Variants in LSAMP observed in about 807,000 individuals in gnomAD.
LSAMP encodes limbic system-associated membrane protein.
A neutral mutation model predicts 38.6 loss-of-function variants in LSAMP; 7 were observed. The observed-to-expected ratio is 0.18, with a 90% CI of 0.10 to 0.34. The LOEUF (loss-of-function observed/expected upper bound fraction) is 0.34, where lower values mean the gene tolerates loss of function less well. LSAMP is among the 10% of genes least tolerant of loss of function. The pLI, the probability that LSAMP is intolerant of heterozygous loss-of-function variation, is 1.00. For synonymous variants in LSAMP, 154 were observed against 166.8 expected (o/e 0.92, Z 0.59); for missense variants, 313 against 420.0 (o/e 0.75, Z 2.23).
rs1279700144 is a variant in LSAMP at position 115,810,196 on chromosome 3, A to G, written c.*121T>C. On this transcript the variant is annotated 3_prime_UTR_variant, in exon 7 of 7. Transcript: ENST00000490035. The stretch of plus-strand genomic sequence containing the variant: ...TCCCCCTTCATGTATAAACACACAA[A>G]GTTGTGAAATAAACGGTCTCCCCCA... The G allele has an allele frequency of 4.6e-6, 3 of 646,612 alleles. No individual in the cohort carries two copies. The highest frequency in any genetic ancestry group is 8.0e-6 in the Non-Finnish European group (3 of 376,844). The allele number at this position is 646,612 out of a possible 1,614,324, so 40.1% of individuals were successfully genotyped here.
intron 2 of LSAMP, among the ~76,000 whole-genome samples, chr3:116,064,884 T>C (rs967495302): frequency 6.6e-6 from 1 of 152,220 alleles, no homozygotes; most frequent in Non-Finnish European, 1.5e-5. Flanking sequence ...TTAGAACCTA[T>C]GGTCTTAAGC....
intron 1 of LSAMP, among the ~76,000 whole-genome samples, chr3:116,255,476 GC>G (rs894234723): frequency 3.3e-5 from 5 of 151,664 alleles, no homozygotes; most frequent in Non-Finnish European, 7.4e-5. Flanking sequence ...TTTTTCAACA[GC>G]CATTTTGAAA....
At chr3:116,149,630 G>A (rs546162959) in intron 1 of LSAMP, among the ~76,000 whole-genome samples, 17 of 152,014 alleles carry the variant, frequency 1.1e-4, no homozygotes, top group African/African-American at 3.1e-4. Context: ...GATCTTTTGG[G>A]GGCTGGGCAG....
At chr3:116,143,271 T>C (rs1334963861) in intron 1 of LSAMP, among the ~76,000 whole-genome samples, 1 of 151,872 alleles carries the variant, frequency 6.6e-6, no homozygotes, top group Non-Finnish European at 1.5e-5. Flanking sequence ...GCCATTTTTT[T>C]CTAAAAATAT....
chr3:115,841,547 G>C (rs1016625820), intron 6 of LSAMP: 1 of 231,118 alleles, frequency 4.3e-6, no homozygotes, highest in East Asian at 9.1e-5. Flanking sequence ...CTGCCAAAGA[G>C]ACTTGTGTTC....
At chr3:116,030,043 G>A (rs779352093) in intron 2 of LSAMP, among the ~76,000 whole-genome samples, 3 of 152,094 alleles carry the variant, frequency 2.0e-5, no homozygotes, top group Non-Finnish European at 4.4e-5. Flanking sequence ...GAAATGTTAC[G>A]TAGCTCATTT....
At chr3:115,814,655 A>G (rs143249019) in intron 6 of LSAMP, among the ~76,000 whole-genome samples, 6 of 152,140 alleles carry the variant, frequency 3.9e-5, no homozygotes, top group African/African-American at 1.4e-4. Context: ...TGATCCTTGG[A>G]TATTCCTTTC....
intron 3 of LSAMP, among the ~76,000 whole-genome samples, chr3:115,992,149 A>G (rs1187740043): frequency 6.6e-6 from 1 of 152,078 alleles, no homozygotes; most frequent in African/African-American, 2.4e-5. Context: ...TTAGCTGAGT[A>G]ATAATACTTT....
At chr3:116,152,474 T>C (rs893959149) in intron 1 of LSAMP, among the ~76,000 whole-genome samples, 1 of 152,142 alleles carries the variant, frequency 6.6e-6, no homozygotes, top group Non-Finnish European at 1.5e-5. Flanking sequence ...ATCATGACAC[T>C]GCACTGCCTC....
At chr3:116,089,476 G>T (rs993587452) in intron 1 of LSAMP, among the ~76,000 whole-genome samples, 1 of 152,064 alleles carries the variant, frequency 6.6e-6, no homozygotes, top group African/African-American at 2.4e-5. Context: ...TCCTGCCTCT[G>T]CCTCCCGAGT....
intron 1 of LSAMP, among the ~76,000 whole-genome samples, chr3:116,140,467 C>A (rs1244178493): frequency 1.3e-5 from 2 of 151,974 alleles, no homozygotes; most frequent in Non-Finnish European, 2.9e-5. Flanking sequence ...ATCCCACACC[C>A]AAGTGACGGT....
chr3:116,067,029 T>C (rs1707470574), intron 2 of LSAMP, among the ~76,000 whole-genome samples: 1 of 152,188 alleles, frequency 6.6e-6, no homozygotes, highest in Non-Finnish European at 1.5e-5. Context: ...GAAGTTCATT[T>C]ATCTGACTTA....
chr3:116,251,912 T>A lies in LSAMP; in HGVS notation c.156-165356A>T, dbSNP rs189295462. The stretch of plus-strand genomic sequence containing the variant: ...AAAGCTGAAAAACTCATTCTGCTTC[T>A]CATACATTTGACCAATAGTGACAAA... On this transcript the variant is annotated intron_variant, in intron 1 of 6. Transcript: ENST00000490035. 2.0e-4 allele frequency among the ~76,000 whole-genome samples: 30 copies of A among 152,328 alleles called. No individual in the cohort carries two copies. The East Asian group carries it at 4.6e-3, about 24-fold the overall frequency.
At chr3:116,436,139 T>C (rs2049347166) in intron 1 of LSAMP, among the ~76,000 whole-genome samples, 2 of 152,206 alleles carry the variant, frequency 1.3e-5, no homozygotes, top group Non-Finnish European at 1.5e-5. Flanking sequence ...CAAATGGTCC[T>C]GGGATAACTG....
chr3:115,828,175 A>C (rs374483128), intron 6 of LSAMP, among the ~76,000 whole-genome samples: 58 of 152,296 alleles, frequency 3.8e-4, no homozygotes, highest in Middle Eastern at 3.4e-3. Flanking sequence ...GTCAAAGAGA[A>C]CATGCATACG....
At chr3:115,916,465 C>T (rs908118541) in intron 3 of LSAMP, among the ~76,000 whole-genome samples, 3 of 152,154 alleles carry the variant, frequency 2.0e-5, no homozygotes, top group Non-Finnish European at 4.4e-5. Flanking sequence ...TAGCTCAGAT[C>T]AAGAGAAAAG....
Position 115,807,538 on chromosome 3 carries a change from T to G in LSAMP, c.*2779A>C, listed in dbSNP as rs1344135991. On this transcript the variant is annotated 3_prime_UTR_variant, in exon 7 of 7. Coordinates refer to ENST00000490035, the MANE Select transcript of LSAMP (RefSeq NM_002338.5). ...TGTCCTCATGATAAAGTGGAGACAA[T>G]AAGAAAGCCAGGTATATAATTAAGG... is the stretch of plus-strand genomic sequence containing the variant. The G allele has an allele frequency of 6.6e-6, 1 of 152,150 alleles. No individual in the cohort carries two copies. Among genetic ancestry groups the G allele is most frequent in the Non-Finnish European group, 1.5e-5 (1 of 68,026 alleles). The allele number at this position is 152,150 out of a possible 1,614,324, so 9.4% of individuals were successfully genotyped here.
At chr3:116,421,847 T>C (rs967148902) in intron 1 of LSAMP, among the ~76,000 whole-genome samples, 2 of 152,184 alleles carry the variant, frequency 1.3e-5, no homozygotes, top group Admixed American at 1.3e-4. Flanking sequence ...TAAAATGGTG[T>C]AGTTATTTTG....
chr3:116,178,995 T>C (rs1278131709), intron 1 of LSAMP, among the ~76,000 whole-genome samples: 5 of 151,336 alleles, frequency 3.3e-5, no homozygotes, highest in African/African-American at 1.2e-4. Flanking sequence ...TCCCACTGCC[T>C]CTGCAATGGT....
Sources: gnomAD v4.1 joint callset for allele counts (sites outside exome capture counted in the v4.1 genomes callset) on GRCh38, gnomAD v4.1.1 for gene constraint, MANE v1.5 for transcripts, NCBI Gene and HGNC (gene_info 2026-07-23, HGNC 2026-07-21) for gene names.